Variants in CNKSR3 observed in about 807,000 individuals in gnomAD.
The protein encoded by CNKSR3 is CNKSR family member 3, also known as connector enhancer of kinase suppressor of ras 3.
CNKSR3 carries 36 observed loss-of-function variants against 67.7 expected under a neutral mutation model. The observed-to-expected ratio is 0.53, with a 90% CI of 0.41 to 0.70. The LOEUF is 0.70. CNKSR3 is among the 30% of genes least tolerant of loss of function. The pLI, the probability that CNKSR3 is intolerant of heterozygous loss-of-function variation, is 0.00. For synonymous variants in CNKSR3, 281 were observed against 271.4 expected (o/e 1.04, Z -0.35); for missense variants, 630 against 695.2 (o/e 0.91, Z 1.05).
intron 4 of CNKSR3, among the ~76,000 whole-genome samples, chr6:154,435,841 C>T (rs763698691): frequency 2.6e-5 from 4 of 152,262 alleles, no homozygotes; most frequent in East Asian, 1.9e-4. Context: ...GTAGGTTTAA[C>T]TTCTCTGAGC....
chr6:154,499,320 A>G (rs1307945126), intron 1 of CNKSR3, among the ~76,000 whole-genome samples: 1 of 152,206 alleles, frequency 6.6e-6, no homozygotes, highest in Non-Finnish European at 1.5e-5. Flanking sequence ...ATTTCCATAG[A>G]GTCCACATGA....
rs1216938767 is a variant in CNKSR3, at chr6:154,388,157, G to A, written c.*18197C>T. On this transcript the variant is annotated 3_prime_UTR_variant, in exon 13 of 13. Coordinates refer to ENST00000607772, the MANE Select transcript of CNKSR3 (RefSeq NM_173515.4). ...ACTTCACTGAAACTTTATGCCTATT[G>A]ATTAGTAACTCCCCACTCCCCTCAG... 6.6e-6 allele frequency: 1 copy of A among 152,032 alleles called. No individual in the cohort carries two copies. Among genetic ancestry groups the A allele is most frequent in the Non-Finnish European group, 1.5e-5 (1 of 68,012 alleles). The allele number at this position is 152,032 out of a possible 1,614,324, so 9.4% of individuals were successfully genotyped here.
chr6:154,495,403 C>T (rs966785983), intron 1 of CNKSR3, among the ~76,000 whole-genome samples: 19 of 127,242 alleles, frequency 1.5e-4, no homozygotes, highest in Non-Finnish European at 2.5e-4. Flanking sequence ...TTGGGCTTTT[C>T]TGTCACCCAA....
intron 9 of CNKSR3, among the ~76,000 whole-genome samples, chr6:154,416,809 C>T (rs981694524): frequency 6.6e-6 from 1 of 152,158 alleles, no homozygotes; most frequent in African/African-American, 2.4e-5. Context: ...ATCGCAAGAA[C>T]ACCTGGTAAC....
Position 154,507,257 on chromosome 6 carries a change from C to G in CNKSR3, c.52+2806G>C, listed in dbSNP as rs569540668. ...GGTTAATTCATTCTGTAGACAAGAA[C>G]TTCTTTCCTAAGGCACACATCTGTC... On this transcript the variant is annotated intron_variant, in intron 1 of 12. Coordinates refer to ENST00000607772, the MANE Select transcript of CNKSR3 (RefSeq NM_173515.4). 5.9e-5 allele frequency among the ~76,000 whole-genome samples: 9 copies of G among 152,304 alleles called. No individual in the cohort carries two copies. In the South Asian group the frequency reaches 1.9e-3, roughly 32 times the overall value.
rs543109498 is a variant in CNKSR3, at chr6:154,408,398, T to G, written c.1370-1746A>C. ...AACAACTGGAAATCACACGAAACAT[T>G]CACAGTGATTATTTCTTAGGTCAGA... On this transcript the variant is annotated intron_variant, in intron 12 of 12. Coordinates refer to ENST00000607772, the MANE Select transcript of CNKSR3 (RefSeq NM_173515.4). Among the ~76,000 whole-genome samples, 3 of 152,338 alleles carry G rather than the reference T, an allele frequency of 2.0e-5. No homozygotes were observed. In the South Asian group the frequency reaches 6.2e-4, roughly 32 times the overall value.
intron 1 of CNKSR3, among the ~76,000 whole-genome samples, chr6:154,455,242 C>G (rs1423220706): frequency 4.0e-5 from 6 of 151,866 alleles, no homozygotes; most frequent in Non-Finnish European, 7.4e-5. Context: ...TCAGTTGAAC[C>G]TGGGAGGCAG....
rs1786187064 is a variant in CNKSR3, at chr6:154,465,851, G to A, written c.53-15593C>T. On this transcript the variant is annotated intron_variant, in intron 1 of 12. Transcript: ENST00000607772. ...GTATGTGATGAGTTGGGTAGCCCAAGTTTCTAAATAACACTCAAAAATACA... is the reference window on the plus strand; with the variant it reads ...GTATGTGATGAGTTGGGTAGCCCAAATTTCTAAATAACACTCAAAAATACA... Among the ~76,000 whole-genome samples the A allele has an allele frequency of 2.0e-5, 3 of 152,298 alleles. No individual in the cohort carries two copies. In the South Asian group the frequency reaches 6.2e-4, roughly 32 times the overall value.
At chr6:154,423,413 G>A (rs1425679160) in intron 7 of CNKSR3, among the ~76,000 whole-genome samples, 1 of 152,156 alleles carries the variant, frequency 6.6e-6, no homozygotes, top group Non-Finnish European at 1.5e-5. Context: ...ACAGGTGGCT[G>A]CCACCATGCC....
chr6:154,428,441 C>T (rs1402256706), intron 6 of CNKSR3, among the ~76,000 whole-genome samples: 5 of 152,168 alleles, frequency 3.3e-5, no homozygotes, highest in Non-Finnish European at 7.4e-5. Flanking sequence ...CAGAATTATG[C>T]CACAACTCCG....
intron 1 of CNKSR3, among the ~76,000 whole-genome samples, chr6:154,497,789 T>C (rs1313964713): frequency 1.4e-5 from 2 of 146,516 alleles, no homozygotes; most frequent in Non-Finnish European, 3.0e-5. Flanking sequence ...TGAGTGCCAT[T>C]CTGGATTAAG....
At chr6:154,491,545 A>C (rs1786784747) in intron 1 of CNKSR3, among the ~76,000 whole-genome samples, 1 of 152,232 alleles carries the variant, frequency 6.6e-6, no homozygotes, top group Non-Finnish European at 1.5e-5. Context: ...CTTAATAACA[A>C]GGAATTCTTC....
intron 9 of CNKSR3, among the ~76,000 whole-genome samples, chr6:154,414,933 G>C (rs962293741): frequency 6.6e-6 from 1 of 151,076 alleles, no homozygotes; most frequent in Non-Finnish European, 1.5e-5. Flanking sequence ...CAGTCCCTAC[G>C]AAAAAAATAT....
Position 154,399,710 on chromosome 6 carries a change from C to T in CNKSR3, c.*6644G>A, listed in dbSNP as rs187845506. 2.0e-5 allele frequency: 3 copies of T among 152,124 alleles called. No individual in the cohort carries two copies. Among genetic ancestry groups the T allele is most frequent in the Admixed American group, 2.0e-4 (3 of 15,270 alleles). 9.4% of individuals were successfully genotyped at this position (152,124 alleles called of 1,614,324 possible). ...ATGAGTAAGAAAACGGAACCTGACA[C>T]TGAGTTAAAAGGACAATTTCTTCCT... On this transcript the variant is annotated 3_prime_UTR_variant, in exon 13 of 13. Coordinates refer to ENST00000607772, the MANE Select transcript of CNKSR3 (RefSeq NM_173515.4).
chr6:154,456,515 T>C (rs576557441), intron 1 of CNKSR3, among the ~76,000 whole-genome samples: 335 of 147,898 alleles, frequency 2.3e-3, no homozygotes, highest in African/African-American at 7.8e-3. Context: ...CTGGCCAACA[T>C]GGTGAAACAC....
chr6:154,505,512 TTTTG>T, intron 1 of CNKSR3, among the ~76,000 whole-genome samples: 1 of 148,994 alleles, frequency 6.7e-6, no homozygotes, highest in African/African-American at 2.5e-5. Flanking sequence ...TTTTTTTTTT[TTTTG>T]AGACAGAGTC....
intron 2 of CNKSR3, among the ~76,000 whole-genome samples, chr6:154,449,392 T>C (rs1415056186): frequency 6.6e-6 from 1 of 152,174 alleles, no homozygotes; most frequent in African/African-American, 2.4e-5. Flanking sequence ...GTGCGATCTC[T>C]GCTCACTGCA....
chr6:154,491,676 GAA>G (rs545574005), intron 1 of CNKSR3, among the ~76,000 whole-genome samples: 1 of 145,912 alleles, frequency 6.9e-6, no homozygotes, highest in African/African-American at 2.5e-5. Context: ...AAAACAATGT[GAA>G]AAAAAAAAAT....
At chr6:154,466,001 G>A (rs560763406) in intron 1 of CNKSR3, among the ~76,000 whole-genome samples, 2 of 152,326 alleles carry the variant, frequency 1.3e-5, no homozygotes, top group East Asian at 3.9e-4. Context: ...GCAGCCATAT[G>A]CAACTGACTG....
Sources: allele counts gnomAD v4.1 joint callset (sites outside exome capture counted in the v4.1 genomes callset), GRCh38; gene constraint gnomAD v4.1.1; transcripts MANE v1.5; gene names NCBI Gene and HGNC (gene_info 2026-07-23, HGNC 2026-07-21).